Variants in KCNMB2 observed in about 807,000 individuals in gnomAD.
The protein encoded by KCNMB2 is calcium-activated potassium channel subunit beta-2.
A neutral mutation model predicts 24.5 loss-of-function variants in KCNMB2; 9 were observed. The ratio of observed to expected loss-of-function variants is 0.37; its 90% CI spans 0.22 to 0.64. The LOEUF is 0.64. Among genes scored for constraint, KCNMB2 ranks in the 30% least tolerant of loss-of-function variants. The pLI, the probability that KCNMB2 is intolerant of heterozygous loss-of-function variation, is 0.63. For missense variants in KCNMB2, 226 were observed against 284.3 expected, an observed-to-expected ratio of 0.79 and a Z score of 1.47; for synonymous variants, 109 against 104.4, an observed-to-expected ratio of 1.04 and a Z score of -0.27.
intron 1 of KCNMB2, among the ~76,000 whole-genome samples, chr3:178,657,359 C>A (rs1285844968): frequency 5.3e-5 from 8 of 152,216 alleles, no homozygotes. Context: ...AGAGCTCTTG[C>A]TCTCAGCATA....
chr3:178,805,212 C>T (rs1031706671), intron 1 of KCNMB2, among the ~76,000 whole-genome samples: 3 of 152,222 alleles, frequency 2.0e-5, no homozygotes, highest in Admixed American at 2.0e-4. Context: ...CCCACAGTCT[C>T]TGTTCCCCAT....
chr3:178,661,820 G>A (rs1720540590), intron 1 of KCNMB2, among the ~76,000 whole-genome samples: 3 of 152,268 alleles, frequency 2.0e-5, no homozygotes, highest in Admixed American at 2.0e-4. Flanking sequence ...GAGAAGCTCT[G>A]CTCTACATGT....
chr3:178,793,355 C>T (rs1042612480), intron 1 of KCNMB2, among the ~76,000 whole-genome samples: 6 of 152,150 alleles, frequency 3.9e-5, no homozygotes, highest in African/African-American at 7.2e-5. Flanking sequence ...TGTTCTAAAA[C>T]GTGACAAGAA....
intron 1 of KCNMB2, among the ~76,000 whole-genome samples, chr3:178,565,638 G>A (rs115214289): frequency 2.0e-4 from 31 of 152,252 alleles, no homozygotes; most frequent in African/African-American, 5.8e-4. Context: ...CTAACTATTC[G>A]ATTGAATTAC....
At chr3:178,558,437 C>T (rs1382470555) in intron 1 of KCNMB2, among the ~76,000 whole-genome samples, 1 of 152,150 alleles carries the variant, frequency 6.6e-6, no homozygotes, top group Non-Finnish European at 1.5e-5. Flanking sequence ...ATTCTCTGGG[C>T]CTGGGGTTTT....
chr3:178,612,479 A>G (rs1367434657), intron 1 of KCNMB2, among the ~76,000 whole-genome samples: 1 of 152,120 alleles, frequency 6.6e-6, no homozygotes, highest in Non-Finnish European at 1.5e-5. Flanking sequence ...TAACCCCTTT[A>G]TCATTATATA....
At position 178,780,053 on chromosome 3, in the gene KCNMB2, TAAAAAAAA is replaced by T. The variant is rs11406849; in HGVS notation, c.-67-27278_-67-27271del. ...ATGGTGACCAATTAGTTGTTTTTTT[TAAAAAAAA>T]AAAAAAAAAAAGCACTATGAAATTA... On this transcript the variant is annotated intron_variant, in intron 1 of 4. Coordinates refer to ENST00000452583, the MANE Select transcript of KCNMB2 (RefSeq NM_181361.3). Among the ~76,000 whole-genome samples the T allele has an allele frequency of 2.6e-3, 350 of 134,026 alleles. 7 individuals carry two copies. In the East Asian group the frequency reaches 0.049, roughly 19 times the overall value. 87.9% of individuals were successfully genotyped at this position (134,026 alleles called of 152,430 possible). A position where few individuals can be genotyped will look rare whatever the true frequency, so the allele number is the denominator to read the frequency against.
chr3:178,549,129 T>C (rs572420268), intron 1 of KCNMB2, among the ~76,000 whole-genome samples: 22 of 152,196 alleles, frequency 1.4e-4, no homozygotes, highest in Non-Finnish European at 2.8e-4. Context: ...TTGTATACTA[T>C]GCTTTACATC....
chr3:178,838,230 C>T (rs1211284882), intron 4 of KCNMB2, among the ~76,000 whole-genome samples: 2 of 152,096 alleles, frequency 1.3e-5, no homozygotes, highest in African/African-American at 4.8e-5. Context: ...CCCTTTTGAT[C>T]CAGAGGCATC....
intron 1 of KCNMB2, among the ~76,000 whole-genome samples, chr3:178,548,473 T>C (rs190013306): frequency 9.6e-4 from 146 of 152,312 alleles, no homozygotes; most frequent in African/African-American, 3.2e-3. Flanking sequence ...GCCTAATCCT[T>C]ACCTCCCTTC....
intron 1 of KCNMB2, among the ~76,000 whole-genome samples, chr3:178,552,732 A>G (rs1217179448): frequency 6.6e-6 from 1 of 152,168 alleles, no homozygotes; most frequent in African/African-American, 2.4e-5. Context: ...TTTTCTCTAA[A>G]TTATAGGAAT....
intron 2 of KCNMB2, among the ~76,000 whole-genome samples, chr3:178,819,367 C>T (rs1380392462): frequency 6.6e-6 from 1 of 152,080 alleles, no homozygotes; most frequent in Non-Finnish European, 1.5e-5. Flanking sequence ...TACAGGGGGG[C>T]CAGATTTAGG....
At chr3:178,594,684 G>C (rs1717801491) in intron 1 of KCNMB2, among the ~76,000 whole-genome samples, 1 of 152,070 alleles carries the variant, frequency 6.6e-6, no homozygotes, top group Non-Finnish European at 1.5e-5. Context: ...TGGAATTCAA[G>C]GGGGAGGCTG....
chr3:178,747,425 T>C (rs1723707733), intron 1 of KCNMB2, among the ~76,000 whole-genome samples: 1 of 152,206 alleles, frequency 6.6e-6, no homozygotes, highest in Non-Finnish European at 1.5e-5. Flanking sequence ...ATCACTGATG[T>C]AGAATTAGCA....
intron 1 of KCNMB2, among the ~76,000 whole-genome samples, chr3:178,540,964 A>C (rs1483773294): frequency 6.6e-6 from 1 of 152,232 alleles, no homozygotes; most frequent in African/African-American, 2.4e-5. Flanking sequence ...CTTAATGAGC[A>C]ATTGTCAAAC....
At chr3:178,540,026 T>C (rs982134494) in intron 1 of KCNMB2, among the ~76,000 whole-genome samples, 1 of 152,174 alleles carries the variant, frequency 6.6e-6, no homozygotes, top group African/African-American at 2.4e-5. Flanking sequence ...TCCAACTACC[T>C]ACATAACATT....
intron 1 of KCNMB2, among the ~76,000 whole-genome samples, chr3:178,740,694 G>A (rs1723466870): frequency 6.6e-6 from 1 of 152,132 alleles, no homozygotes; most frequent in African/African-American, 2.4e-5. Flanking sequence ...GTTCTCCAAG[G>A]AGATATTCTC....
intron 1 of KCNMB2, among the ~76,000 whole-genome samples, chr3:178,599,033 CAAA>C (rs1227132825): frequency 3.3e-5 from 5 of 152,016 alleles, no homozygotes; most frequent in African/African-American, 1.2e-4. Context: ...GATGTTTAAG[CAAA>C]GATATGTCAA....
rs565159921 is a variant in KCNMB2 at position 178,809,145 on chromosome 3, A to G, written c.56+1680A>G. Reference sequence around the variant, plus strand: ...AATTTCATATGTCATTTCAAATTCTATATTTGAAAGTGCAGAAAGACAGAG... The same window carrying G: ...AATTTCATATGTCATTTCAAATTCTGTATTTGAAAGTGCAGAAAGACAGAG... On this transcript the variant is annotated intron_variant, in intron 2 of 4. Coordinates refer to ENST00000452583, the MANE Select transcript of KCNMB2 (RefSeq NM_181361.3). Among the ~76,000 whole-genome samples the G allele has an allele frequency of 2.5e-4, 38 of 152,316 alleles. No homozygotes were observed. The South Asian group carries it at 7.7e-3, about 31-fold the overall frequency.
Sources: gnomAD v4.1 joint callset for allele counts (sites outside exome capture counted in the v4.1 genomes callset) on GRCh38, gnomAD v4.1.1 for gene constraint, MANE v1.5 for transcripts, NCBI Gene and HGNC (gene_info 2026-07-23, HGNC 2026-07-21) for gene names.